RALGPS1: variants seen among roughly 807,000 people sequenced by gnomAD.
RALGPS1 encodes the protein ras-specific guanine nucleotide-releasing factor RalGPS1.
In RALGPS1, 19 loss-of-function variants were observed where a neutral mutation model predicts 78.8. The observed-to-expected ratio is 0.24, with a 90% confidence interval of 0.17 to 0.35. The LOEUF (loss-of-function observed/expected upper bound fraction) is 0.35, where lower values mean the gene tolerates loss of function less well. RALGPS1 is among the 10% of genes least tolerant of loss of function. The pLI, the probability that RALGPS1 is intolerant of heterozygous loss-of-function variation, is 1.00. For missense variants in RALGPS1, 454 were observed against 688.3 expected (o/e 0.66, Z 3.81); for synonymous variants, 228 against 256.3 (o/e 0.89, Z 1.06).
intron 1 of RALGPS1, among the ~76,000 whole-genome samples, chr9:126,920,337 G>C (rs2034629332): frequency 6.6e-6 from 1 of 152,178 alleles, no homozygotes; most frequent in South Asian, 2.1e-4. Flanking sequence ...CTATATGCTA[G>C]GTGTAGGCTT....
intron 7 of RALGPS1, among the ~76,000 whole-genome samples, chr9:127,059,124 G>A (rs1034563099): frequency 3.3e-5 from 5 of 152,194 alleles, no homozygotes; most frequent in African/African-American, 1.2e-4. Context: ...GACGGCAGAT[G>A]TATGACATTC....
chr9:127,013,732 A>AGG (rs967380488), intron 4 of RALGPS1, among the ~76,000 whole-genome samples: 1 of 152,022 alleles, frequency 6.6e-6, no homozygotes, highest in African/African-American at 2.4e-5. Flanking sequence ...CACATCTCTA[A>AGG]GGGGGGCGTG....
intron 7 of RALGPS1, among the ~76,000 whole-genome samples, chr9:127,055,818 T>G (rs2048695783): frequency 6.6e-6 from 1 of 152,236 alleles, no homozygotes; most frequent in African/African-American, 2.4e-5. Flanking sequence ...TTTTGTAACA[T>G]AAGTATTGCA....
intron 1 of RALGPS1, among the ~76,000 whole-genome samples, chr9:126,957,907 G>C (rs1022479156): frequency 6.6e-6 from 1 of 151,790 alleles, no homozygotes; most frequent in South Asian, 2.1e-4. Context: ...GGGAGGTGAA[G>C]GTGGGAGGAT....
At chr9:127,196,066 A>G (rs899760835) in intron 12 of RALGPS1, among the ~76,000 whole-genome samples, 2 of 152,234 alleles carry the variant, frequency 1.3e-5, no homozygotes, top group Non-Finnish European at 2.9e-5. Context: ...ATGAGGTTCA[A>G]CAAGGTGAAG....
chr9:127,112,207 C>T (rs1216315166), intron 8 of RALGPS1, among the ~76,000 whole-genome samples: 1 of 152,168 alleles, frequency 6.6e-6, no homozygotes, highest in Non-Finnish European at 1.5e-5. Flanking sequence ...TTGGGCTCTG[C>T]TAGGAGGTGG....
chr9:126,952,645 G>GAC (rs2037933176), intron 1 of RALGPS1, among the ~76,000 whole-genome samples: 1 of 128,464 alleles, frequency 7.8e-6, no homozygotes, highest in African/African-American at 2.6e-5. Flanking sequence ...GAGAGAGAGA[G>GAC]AGAGAGAGAG....
At chr9:127,002,433 C>CTTTTTTTTTTTTTTTTTT (rs11380006) in intron 4 of RALGPS1, among the ~76,000 whole-genome samples, 8 of 117,410 alleles carry the variant, frequency 6.8e-5, no homozygotes, top group Admixed American at 1.7e-4. Context: ...CACAAACATT[C>CTTTTTTTTTTTTTTTTTT]TTTTTTTTTT....
chr9:127,158,699 A>G (rs2058840713), intron 8 of RALGPS1, among the ~76,000 whole-genome samples: 1 of 148,054 alleles, frequency 6.8e-6, no homozygotes, highest in Non-Finnish European at 1.5e-5. Flanking sequence ...GTTCTATATA[A>G]TGAATACTTA....
chr9:127,142,766 T>C (rs1323343562), intron 8 of RALGPS1, among the ~76,000 whole-genome samples: 1 of 152,196 alleles, frequency 6.6e-6, no homozygotes, highest in Non-Finnish European at 1.5e-5. Context: ...TTGTTGACTC[T>C]TTATTTATAT....
chr9:126,931,083 C>T (rs1223754676), intron 1 of RALGPS1, among the ~76,000 whole-genome samples: 1 of 152,208 alleles, frequency 6.6e-6, no homozygotes, highest in Non-Finnish European at 1.5e-5. Flanking sequence ...CAGGTTCCTT[C>T]TAAGTCCAAA....
intron 8 of RALGPS1, among the ~76,000 whole-genome samples, chr9:127,164,534 C>CT (rs1160251459): frequency 0.49 from 30,862 of 63,000 alleles, 7,545 homozygotes; most frequent in South Asian, 0.64. Flanking sequence ...CATGCCTGGC[C>CT]TTTTTTTTTT....
In RALGPS1 at chr9:127,198,187, G is replaced by T. The variant is rs185752776; in HGVS notation, c.1196-828G>T. On this transcript the variant is annotated intron_variant, in intron 13 of 18. Transcript: ENST00000259351. ...AAAAGCCCTGATGAAGCGGCCATTT[G>T]TGCATGTGCCCTGTTGGGAGCTGGG... 7.1e-4 allele frequency among the ~76,000 whole-genome samples: 108 copies of T among 152,334 alleles called. 2 individuals carry two copies. The East Asian group carries it at 0.016, about 22-fold the overall frequency.
intron 1 of RALGPS1, among the ~76,000 whole-genome samples, chr9:126,921,590 C>T (rs765029007): frequency 5.3e-5 from 8 of 152,190 alleles, no homozygotes; most frequent in Non-Finnish European, 1.2e-4. Context: ...AGATTTATCT[C>T]CTGAGCATCA....
rs1446279138 is a variant in RALGPS1 at position 127,144,763 on chromosome 9, T to G, written c.611-21306T>G. 2.6e-5 allele frequency among the ~76,000 whole-genome samples: 4 copies of G among 152,372 alleles called. No individual in the cohort carries two copies. The East Asian group carries it at 7.7e-4, about 29-fold the overall frequency. ...CAGACACAAAAGGTCTCATATTATATGATTCCATTTATATGAAATGTCCAG... is the reference window on the plus strand; with the variant it reads ...CAGACACAAAAGGTCTCATATTATAGGATTCCATTTATATGAAATGTCCAG... On this transcript the variant is annotated intron_variant, in intron 8 of 18. Coordinates refer to ENST00000259351, the MANE Select transcript of RALGPS1 (RefSeq NM_014636.3).
intron 8 of RALGPS1, among the ~76,000 whole-genome samples, chr9:127,154,915 A>G (rs2139212658): frequency 6.6e-6 from 1 of 152,332 alleles, no homozygotes; most frequent in South Asian, 2.1e-4. Context: ...AGACAAGCTC[A>G]AGAGTGTTTT....
intron 8 of RALGPS1, among the ~76,000 whole-genome samples, chr9:127,105,478 C>G (rs2054133502): frequency 6.6e-6 from 1 of 152,162 alleles, no homozygotes; most frequent in Non-Finnish European, 1.5e-5. Context: ...CTTGGGTTCC[C>G]AACTCCCAGG....
chr9:126,965,945 G>C lies in RALGPS1; in HGVS notation c.159G>C (p.Glu53Asp). ...ATGTCTTGAAAGTGACCCCAGAGGA[G>C]TTTGCTGTAAGTGAAACAGGGCTGG... ...VFDVLKVTPEEFASQITLMDI... is the reference protein window; with the variant it reads ...VFDVLKVTPEDFASQITLMDI... The change falls in exon 3 of 19, where the codon GAG becomes GAC. Residue 53 changes from glutamate to aspartate, a missense_variant. Physicochemically the swap from Glu to Asp is conservative, Grantham distance 45. Coordinates refer to ENST00000259351, the MANE Select transcript of RALGPS1 (RefSeq NM_014636.3). 1 of 1,613,924 alleles carries C rather than the reference G, an allele frequency of 6.2e-7. No individual in the cohort carries two copies. The highest frequency in any genetic ancestry group is 8.5e-7 in the Non-Finnish European group (1 of 1,179,778).
At chr9:127,164,014 C>G (rs2059158642) in intron 8 of RALGPS1, among the ~76,000 whole-genome samples, 1 of 151,638 alleles carries the variant, frequency 6.6e-6, no homozygotes, top group Non-Finnish European at 1.5e-5. Context: ...TTTCTTTGAC[C>G]TAAGAGTTAT....
Sources: gnomAD v4.1 joint callset for allele counts (sites outside exome capture counted in the v4.1 genomes callset) on GRCh38, gnomAD v4.1.1 for gene constraint, MANE v1.5 for transcripts, NCBI Gene and HGNC (gene_info 2026-07-23, HGNC 2026-07-21) for gene names.